Variants in SYNE2 observed in about 807,000 individuals in gnomAD.
SYNE2 encodes the protein nesprin-2.
Under a neutral mutation model 856.3 loss-of-function variants are expected in SYNE2, and 431 were observed. The observed-to-expected ratio is 0.50, with a 90% CI of 0.47 to 0.55. SYNE2 has a LOEUF of 0.55. Ranked by LOEUF, SYNE2 falls within the 20% of genes least tolerant of loss-of-function variation. The pLI is 0.00. For synonymous variants in SYNE2, 2,923 were observed against 2,872.3 expected, an observed-to-expected ratio of 1.02 and a Z score of -0.56; for missense variants, 8,129 against 8,023.2, an observed-to-expected ratio of 1.01 and a Z score of -0.50.
chr14:63,824,608 C>T (rs958802535), intron 1 of SYNE2, among the ~76,000 whole-genome samples: 1 of 147,448 alleles, frequency 6.8e-6, no homozygotes, highest in East Asian at 2.0e-4. Context: ...CACTGCACTC[C>T]GACCTGGGTG....
intron 1 of SYNE2, among the ~76,000 whole-genome samples, chr14:63,805,628 G>T (rs1211879269): frequency 3.0e-5 from 3 of 101,548 alleles, no homozygotes; most frequent in Non-Finnish European, 6.9e-5. Context: ...GCCCGCCTCG[G>T]CCTTCCAAAG....
At chr14:64,088,052 G>A (rs940820410) in intron 58 of SYNE2, among the ~76,000 whole-genome samples, 196 bp downstream of exon 58, 2 of 152,160 alleles carry the variant, frequency 1.3e-5, no homozygotes, top group Non-Finnish European at 2.9e-5. Flanking sequence ...GCATCGTGGT[G>A]CACACCTGTA....
intron 49 of SYNE2, among the ~76,000 whole-genome samples, chr14:64,061,338 GA>G (rs2097315400): frequency 6.6e-6 from 1 of 152,210 alleles, no homozygotes; most frequent in Non-Finnish European, 1.5e-5. Flanking sequence ...TTTGCATTCA[GA>G]AACAGTGCTA....
At chr14:64,106,526 G>A (rs1021487453) in intron 64 of SYNE2, among the ~76,000 whole-genome samples, 7 of 152,172 alleles carry the variant, frequency 4.6e-5, no homozygotes, top group Admixed American at 6.5e-5. Flanking sequence ...GCGGGTGCCT[G>A]TAGTCCCAGC....
At chr14:63,849,764 T>C (rs906629109), upstream of SYNE2, among the ~76,000 whole-genome samples, 1 of 152,180 alleles carries the variant, frequency 6.6e-6, no homozygotes, top group Non-Finnish European at 1.5e-5. Context: ...GAATTTAGCA[T>C]TTCTTTAATG....
chr14:64,214,474 A>G lies in SYNE2; in HGVS notation c.19333+4A>G. 6.2e-7 allele frequency: 1 copy of G among 1,610,720 alleles called. No homozygotes were observed. The highest frequency in any genetic ancestry group is 8.5e-7 in the Non-Finnish European group (1 of 1,179,430). On this transcript the variant is annotated splice_donor_region_variant and intron_variant, in intron 106 of 115. Transcript: ENST00000555002. ...CCATACTACAGCGCACTGTCAGGTA[A>G]CAGCTGGGTTCCCAGCACCCTGGAA...
intron 100 of SYNE2, among the ~76,000 whole-genome samples, chr14:64,207,705 T>A (rs1266690614): frequency 6.6e-6 from 1 of 152,216 alleles, no homozygotes; most frequent in Non-Finnish European, 1.5e-5. Flanking sequence ...TCTTATTAAC[T>A]GAAATTTGTT....
At chr14:64,223,465 A>T in intron 113 of SYNE2, 85 bp downstream of exon 113, 1 of 1,516,510 alleles carries the variant, frequency 6.6e-7, no homozygotes, top group East Asian at 2.3e-5. Context: ...GCTCTAAGAC[A>T]GAGGCCAGAA....
chr14:63,986,365 G>C, intron 18 of SYNE2, 91 bp from the exon 19 acceptor site: 1 of 1,385,028 alleles, frequency 7.2e-7, no homozygotes, highest in African/African-American at 1.4e-5. Flanking sequence ...CTCCTAAAGA[G>C]CTGGGATTAC....
intron 76 of SYNE2, among the ~76,000 whole-genome samples, chr14:64,132,063 G>A (rs1300646783): frequency 6.6e-6 from 1 of 152,004 alleles, no homozygotes; most frequent in Non-Finnish European, 1.5e-5. Context: ...TCTCTCAAAT[G>A]ACTGGGATTA....
rs1404711500 is a variant in SYNE2 at position 63,986,462 on chromosome 14, G to A, written c.2158G>A (p.Glu720Lys). The A allele has an allele frequency of 3.7e-6, 6 of 1,614,026 alleles. No homozygotes were observed. The highest frequency in any genetic ancestry group is 5.1e-6 in the Non-Finnish European group (6 of 1,179,962). ...ENYNQNIKAGEKHEKENEEFT... is the reference protein window; with the variant it reads ...ENYNQNIKAGKKHEKENEEFT... ...GTACTTTTGAATGTTGTAGGCTGGA[G>A]AGAAACATGAAAAAGAAAATGAAGA... The change falls in exon 19 of 116, where the codon GAG becomes AAG. Residue 720 changes from glutamate to lysine, a missense_variant. Transcript: ENST00000555002.
intron 1 of SYNE2, among the ~76,000 whole-genome samples, chr14:63,890,826 C>T (rs1180744585): frequency 3.3e-5 from 5 of 152,172 alleles, no homozygotes; most frequent in African/African-American, 1.2e-4. Flanking sequence ...TCCTTTTATG[C>T]CTGTTATGAC....
chr14:64,100,539 T>TAA (rs1384506712), intron 63 of SYNE2, among the ~76,000 whole-genome samples: 2 of 59,150 alleles, frequency 3.4e-5, no homozygotes, highest in Non-Finnish European at 5.5e-5. Flanking sequence ...AAAATATATA[T>TAA]ATATATATAT....
upstream of SYNE2, among the ~76,000 whole-genome samples, chr14:63,850,894 G>C (rs1890386513): frequency 6.6e-6 from 1 of 152,096 alleles, no homozygotes; most frequent in Non-Finnish European, 1.5e-5. Context: ...TGATTTTGCA[G>C]GATTTACTGT....
At chr14:64,119,707 G>A in intron 67 of SYNE2, 98 bp downstream of exon 67, 1 of 1,235,306 alleles carries the variant, frequency 8.1e-7, no homozygotes, top group South Asian at 1.4e-5. Context: ...CAGCTACAGA[G>A]AAACTGTACT....
At chr14:63,948,154 CAG>C (rs1291498074) in intron 6 of SYNE2, among the ~76,000 whole-genome samples, 2 of 105,638 alleles carry the variant, frequency 1.9e-5, no homozygotes, top group African/African-American at 7.2e-5. Flanking sequence ...CATACACACA[CAG>C]ACACACACAT....
intron 1 of SYNE2, among the ~76,000 whole-genome samples, chr14:63,790,196 G>A (rs1328863685): frequency 6.6e-6 from 1 of 152,052 alleles, no homozygotes; most frequent in Non-Finnish European, 1.5e-5. Flanking sequence ...GCTGGGTATG[G>A]TGGCATGCAC....
chr14:64,064,769 G>GTCTTGAAT (rs1368694465), intron 50 of SYNE2, among the ~76,000 whole-genome samples: 1 of 150,892 alleles, frequency 6.6e-6, no homozygotes, highest in Admixed American at 6.6e-5. Flanking sequence ...GCCTTGCTAT[G>GTCTTGAAT]TCTTGAATTC....
chr14:63,997,134 C>G lies in SYNE2; in HGVS notation c.3128C>G (p.Thr1043Arg). ...GAGATTCATATGACACTGCAGCCCA[C>G]AGCGGGAGGCACGTCGAAAAACGAG... The part of the protein sequence containing the change: ...ASEIHMTLQP[T>R]AGGTSKNEGT... Residue 1043 changes from threonine (T) to arginine (R), a missense_variant, in exon 24 of 116, where the codon ACA (threonine) becomes AGA (arginine). Physicochemically the swap from Thr to Arg is moderately conservative, Grantham distance 71. Around this residue, in one of 3 missense-constraint regions of SYNE2, gnomAD observed 2,422 missense variants for 2,357.4 expected, o/e 1.03. Coordinates refer to ENST00000555002, the MANE Select transcript of SYNE2 (RefSeq NM_182914.3). 6.2e-7 allele frequency: 1 copy of G among 1,614,060 alleles called. No homozygotes were observed. Among genetic ancestry groups the G allele is most frequent in the Non-Finnish European group, 8.5e-7 (1 of 1,179,974 alleles).
Sources: allele counts gnomAD v4.1 joint callset (sites outside exome capture counted in the v4.1 genomes callset), GRCh38; gene constraint gnomAD v4.1.1; regional missense constraint gnomAD v4.1.1; transcripts MANE v1.5; gene names NCBI Gene and HGNC (gene_info 2026-07-23, HGNC 2026-07-21).